FOXK1: variants seen among roughly 807,000 people sequenced by gnomAD.
FOXK1 encodes the protein forkhead box K1, also known as forkhead box protein K1.
Under a neutral mutation model 51.9 loss-of-function variants are expected in FOXK1, and 19 were observed. The ratio of observed to expected loss-of-function variants is 0.37; its 90% CI spans 0.26 to 0.54. The LOEUF (loss-of-function observed/expected upper bound fraction) is 0.54. FOXK1 is among the 20% of genes least tolerant of loss of function. The pLI is 0.87. For synonymous variants in FOXK1, 537 were observed against 482.6 expected (o/e 1.11, Z -1.48); for missense variants, 870 against 1,032.7 (o/e 0.84, Z 2.16).
intron 1 of FOXK1, among the ~76,000 whole-genome samples, chr7:4,739,747 G>A (rs1780606979): frequency 6.6e-6 from 1 of 152,234 alleles, no homozygotes; most frequent in East Asian, 1.9e-4. Context: ...AGCAGGGGTG[G>A]AATTGCTCCT....
At position 4,723,949 on chromosome 7, in the gene FOXK1, G is replaced by A. The variant is rs1400723462; in HGVS notation, c.561-16889G>A. On this transcript the variant is annotated intron_variant, in intron 1 of 8. Transcript: ENST00000328914. The surrounding 1 kb of genome is among the most constrained non-coding windows in gnomAD (Gnocchi z 4.7). ...GCTTCCCAAAGTGCTGGGATTACAG[G>A]CGTGCACCTCTGTGCTCGGCCCATT... Among the ~76,000 whole-genome samples the A allele has an allele frequency of 1.3e-5, 2 of 152,158 alleles. No individual in the cohort carries two copies. Among genetic ancestry groups the A allele is most frequent in the Non-Finnish European group, 2.9e-5 (2 of 68,046 alleles).
At chr7:4,702,455 G>C (rs1328371648) in intron 1 of FOXK1, among the ~76,000 whole-genome samples, 10 of 152,124 alleles carry the variant, frequency 6.6e-5, no homozygotes, top group African/African-American at 2.4e-4. Flanking sequence ...TGATTCTCCT[G>C]CCTCAGCCTC....
Position 4,759,167 on chromosome 7 carries a change from G to C in FOXK1, c.1361G>C (p.Gly454Ala), listed in dbSNP as rs754614967. Residue 454 changes from glycine to alanine, a missense_variant, in exon 6 of 9, where the codon GGG becomes GCG. Coordinates refer to ENST00000328914, the MANE Select transcript of FOXK1 (RefSeq NM_001037165.2). ...CCCATTCCACACGACCCTGAGTTTG[G>C]GTCCAAGTTAGCTTCTGTCCCAGAG... is the stretch of plus-strand genomic sequence containing the variant. ...GSPIPHDPEF[G>A]SKLASVPEYR... 2.5e-6 allele frequency: 4 copies of C among 1,612,724 alleles called. No individual in the cohort carries two copies. The African/African-American group carries it at 4.0e-5, about 16-fold the overall frequency.
chr7:4,737,552 C>CTGTGTGTGTGTGTGTGTGTG (rs146678822), intron 1 of FOXK1, among the ~76,000 whole-genome samples: 24 of 148,984 alleles, frequency 1.6e-4, no homozygotes, highest in African/African-American at 5.6e-4. Context: ...GTGTGCGTGC[C>CTGTGTGTGTGTGTGTGTGTG]TGTGTGTGTG....
Position 4,762,146 on chromosome 7 carries a change from CCAGA to C in FOXK1, c.1922-36_1922-33del, listed in dbSNP as rs1302409782. The C allele has an allele frequency of 1.3e-6, 2 of 1,527,562 alleles. No individual in the cohort carries two copies. Among genetic ancestry groups the C allele is most frequent in the Non-Finnish European group, 1.8e-6 (2 of 1,130,980 alleles). The allele number at this position is 1,527,562 out of a possible 1,614,324, so 94.6% of individuals were successfully genotyped here. On this transcript the variant is annotated intron_variant, in intron 8 of 8. Transcript: ENST00000328914. This position sits in a 1 kb window ranked among gnomAD's most constrained non-coding sequence, Gnocchi z 5.7. The stretch of plus-strand genomic sequence containing the variant: ...CTTGAAAAAAGCAGCTGGGTCCTAA[CCAGA>C]CCCCAGAGTAACCCTCTTCTTCCTC...
chr7:4,740,074 C>T (rs182727266), intron 1 of FOXK1, among the ~76,000 whole-genome samples: 21 of 151,556 alleles, frequency 1.4e-4, no homozygotes, highest in Non-Finnish European at 2.2e-4. Context: ...GCAGGTGGAT[C>T]ACCTGAGGTC....
intron 7 of FOXK1, chr7:4,759,932 G>A: frequency 2.8e-6 from 1 of 360,748 alleles, no homozygotes; most frequent in Non-Finnish European, 5.0e-6. Context: ...TCAGGAGGCT[G>A]AGGGAGGAGA....
intron 1 of FOXK1, among the ~76,000 whole-genome samples, chr7:4,717,477 G>A (rs1446435212): frequency 6.7e-6 from 1 of 149,466 alleles, no homozygotes; most frequent in Non-Finnish European, 1.5e-5. Context: ...CATGTGGCTG[G>A]GAGGCATGTG....
chr7:4,684,599 T>TG (rs1779796075), intron 1 of FOXK1, among the ~76,000 whole-genome samples: 1 of 152,172 alleles, frequency 6.6e-6, no homozygotes, highest in African/African-American at 2.4e-5. Flanking sequence ...TCTCTCCGTT[T>TG]GGGGCCATTA....
At chr7:4,705,554 T>TCTCTCTCTCTCGCTCG in intron 1 of FOXK1, among the ~76,000 whole-genome samples, 1 of 131,602 alleles carries the variant, frequency 7.6e-6, no homozygotes, top group African/African-American at 3.1e-5. Context: ...TCTCTCTCTC[T>TCTCTCTCTCTCGCTCG]CTCTCGCTCT....
At chr7:4,700,852 G>T (rs531817007) in intron 1 of FOXK1, among the ~76,000 whole-genome samples, 8 of 152,282 alleles carry the variant, frequency 5.3e-5, no homozygotes, top group African/African-American at 1.9e-4. Context: ...CTCAGTGCCT[G>T]GCACATAGAC....
At chr7:4,708,144 G>T (rs1583188626) in intron 1 of FOXK1, among the ~76,000 whole-genome samples, 1 of 152,228 alleles carries the variant, frequency 6.6e-6, no homozygotes, top group East Asian at 1.9e-4. Flanking sequence ...CTTGGAATGT[G>T]CTCTTTGAAG....
In FOXK1 at chr7:4,709,761, C is replaced by T. The variant is rs565487509; in HGVS notation, c.560+26893C>T. Among the ~76,000 whole-genome samples the T allele has an allele frequency of 1.8e-4, 28 of 152,316 alleles. No individual in the cohort carries two copies. In the South Asian group the frequency reaches 5.2e-3, roughly 28 times the overall value. ...TCCACAGTGTCATGATAATTCTTGGCGTTGAGTGACCTCACGATGTGCTGT... is the reference window on the plus strand; with the variant it reads ...TCCACAGTGTCATGATAATTCTTGGTGTTGAGTGACCTCACGATGTGCTGT... On this transcript the variant is annotated intron_variant, in intron 1 of 8. Coordinates refer to ENST00000328914, the MANE Select transcript of FOXK1 (RefSeq NM_001037165.2). The surrounding 1 kb of genome is among the most constrained non-coding windows in gnomAD (Gnocchi z 5.6).
chr7:4,750,214 C>T (rs1480775060), intron 2 of FOXK1, among the ~76,000 whole-genome samples: 4 of 152,182 alleles, frequency 2.6e-5, no homozygotes, highest in Non-Finnish European at 4.4e-5. Flanking sequence ...TTGATTCCCG[C>T]GACGTCTGTG....
intron 1 of FOXK1, among the ~76,000 whole-genome samples, chr7:4,704,745 T>C (rs1051037056): frequency 6.6e-6 from 1 of 152,180 alleles, no homozygotes; most frequent in African/African-American, 2.4e-5. Flanking sequence ...TTCTGTTGTT[T>C]CTGTAGAGAT....
intron 1 of FOXK1, among the ~76,000 whole-genome samples, chr7:4,702,082 A>C (rs545702031): frequency 1.4e-4 from 21 of 151,998 alleles, no homozygotes; most frequent in African/African-American, 5.1e-4. Context: ...CTCAAAAAAA[A>C]CCCCAAAAAG....
intron 1 of FOXK1, among the ~76,000 whole-genome samples, chr7:4,712,825 C>T (rs1179951873): frequency 2.6e-5 from 4 of 152,164 alleles, no homozygotes; most frequent in Admixed American, 1.3e-4. Flanking sequence ...TTTATTGACA[C>T]ACAGCGGCGT....
intron 1 of FOXK1, among the ~76,000 whole-genome samples, chr7:4,728,247 G>A (rs1294125565): frequency 2.0e-5 from 3 of 152,152 alleles, no homozygotes; most frequent in African/African-American, 4.8e-5. Context: ...CAGCAAAGGC[G>A]GTATTGTTGC....
At position 4,707,506 on chromosome 7, in the gene FOXK1, G is replaced by T. The variant is rs77891142; in HGVS notation, c.560+24638G>T. Among the ~76,000 whole-genome samples the T allele has an allele frequency of 0.012, 1,869 of 152,278 alleles. 53 individuals are homozygous for T. The highest frequency in any genetic ancestry group is 0.043 in the African/African-American group (1,794 of 41,548). On this transcript the variant is annotated intron_variant, in intron 1 of 8. Transcript: ENST00000328914. This position sits in a 1 kb window ranked among gnomAD's most constrained non-coding sequence, Gnocchi z 4.1. ...AATTTCGCCTTGGTAGTGTTAAGAT[G>T]TATTTAGCGACTCAAGTATCTGCAG...
Sources: gnomAD v4.1 joint callset for allele counts (sites outside exome capture counted in the v4.1 genomes callset) on GRCh38, gnomAD v4.1.1 for gene constraint, Gnocchi (gnomAD v3.1) non-coding constraint, MANE v1.5 for transcripts, NCBI Gene and HGNC (gene_info 2026-07-23, HGNC 2026-07-21) for gene names.